BMPR2: variants seen among roughly 807,000 people sequenced by gnomAD.
BMPR2 encodes the protein bone morphogenetic protein receptor type-2.
In BMPR2, 29 loss-of-function variants were observed where a neutral mutation model predicts 100.8. The observed-to-expected ratio is 0.29, with a 90% CI of 0.21 to 0.39. The LOEUF (loss-of-function observed/expected upper bound fraction) is 0.39. BMPR2 is among the 10% of genes least tolerant of loss of function. BMPR2 has a pLI of 1.00. For missense variants in BMPR2, 1,011 were observed against 1,274.5 expected (o/e 0.79, Z 3.15); for synonymous variants, 382 against 442.3 (o/e 0.86, Z 1.71).
At chr2:202,451,130 T>TA (rs1288323327) in intron 1 of BMPR2, among the ~76,000 whole-genome samples, 1 of 152,186 alleles carries the variant, frequency 6.6e-6, no homozygotes, top group Non-Finnish European at 1.5e-5. Context: ...AAATGGGTGT[T>TA]ATGTGACTCT....
intron 10 of BMPR2, among the ~76,000 whole-genome samples, chr2:202,552,320 AG>A (rs1335611163): frequency 2.0e-5 from 3 of 152,162 alleles, no homozygotes; most frequent in African/African-American, 7.2e-5. Flanking sequence ...AAAGGAGAAA[AG>A]CTCACCTAGA....
chr2:202,404,572 T>C (rs530961613), intron 1 of BMPR2, among the ~76,000 whole-genome samples: 4 of 152,320 alleles, frequency 2.6e-5, no homozygotes, highest in East Asian at 3.8e-4. Context: ...ATTTTATGAA[T>C]TAATAGTTAA....
intron 3 of BMPR2, among the ~76,000 whole-genome samples, chr2:202,490,585 A>G (rs537643656): frequency 6.6e-6 from 1 of 152,136 alleles, no homozygotes; most frequent in Non-Finnish European, 1.5e-5. Flanking sequence ...TTTTTGTTTT[A>G]TTTTGTTTTA....
rs375174261 is a variant in BMPR2 at position 202,467,673 on chromosome 2, T to A, written c.402T>A (p.Pro134=). The A allele has an allele frequency of 6.2e-7, 1 of 1,612,210 alleles. No homozygotes were observed. The highest frequency in any genetic ancestry group is 8.5e-7 in the Non-Finnish European group (1 of 1,178,230). Residue 134 remains proline (P), a synonymous_variant, in exon 3 of 13, where the codon CCT becomes CCA. Coordinates refer to ENST00000374580, the MANE Select transcript of BMPR2 (RefSeq NM_001204.7). The part of the protein sequence containing the change: ...NVNFTENFPP[P]DTTPLSPPHS... ...ACTTTACTGAGAATTTTCCACCTCC[T>A]GACACAACACCACTCAGTAAGTAAA... is the stretch of plus-strand genomic sequence containing the variant.
intron 1 of BMPR2, among the ~76,000 whole-genome samples, chr2:202,446,800 A>G (rs1691858216): frequency 3.4e-5 from 5 of 149,034 alleles, no homozygotes; most frequent in Admixed American, 3.3e-4. Context: ...ACAGGCATGT[A>G]CCTACCACGC....
At chr2:202,390,719 G>A (rs1690530502) in intron 1 of BMPR2, among the ~76,000 whole-genome samples, 1 of 152,026 alleles carries the variant, frequency 6.6e-6, no homozygotes, top group Admixed American at 6.6e-5. Flanking sequence ...ATGATATCTT[G>A]TTGGTTTAGA....
chr2:202,446,865 T>C (rs1402613640), intron 1 of BMPR2, among the ~76,000 whole-genome samples: 5 of 146,948 alleles, frequency 3.4e-5, no homozygotes, highest in Non-Finnish European at 1.5e-5. Context: ...TTGGCCAGGC[T>C]GGTCTCAAAC....
intron 1 of BMPR2, among the ~76,000 whole-genome samples, chr2:202,387,755 A>G (rs1283159870): frequency 6.6e-6 from 1 of 152,154 alleles, no homozygotes; most frequent in Admixed American, 6.5e-5. Flanking sequence ...TGACATATTT[A>G]GTTGAGGTTA....
intron 10 of BMPR2, among the ~76,000 whole-genome samples, chr2:202,547,281 C>A (rs1688391728): frequency 6.6e-6 from 1 of 152,028 alleles, no homozygotes; most frequent in Non-Finnish European, 1.5e-5. Flanking sequence ...AATAATAGCT[C>A]ACTGTAGCCT....
At chr2:202,462,430 C>T (rs553771428) in intron 1 of BMPR2, among the ~76,000 whole-genome samples, 3 of 151,732 alleles carry the variant, frequency 2.0e-5, no homozygotes, top group Non-Finnish European at 4.4e-5. Context: ...CATGTTGGCC[C>T]GGCTGGTCTC....
intron 3 of BMPR2, among the ~76,000 whole-genome samples, chr2:202,499,031 G>A (rs1693103546): frequency 1.3e-5 from 2 of 150,750 alleles, no homozygotes; most frequent in African/African-American, 2.4e-5. Flanking sequence ...TGCCCAGAAG[G>A]AAATAAGCAA....
At chr2:202,438,249 G>A (rs1310531709) in intron 1 of BMPR2, among the ~76,000 whole-genome samples, 1 of 150,460 alleles carries the variant, frequency 6.6e-6, no homozygotes, top group African/African-American at 2.5e-5. Flanking sequence ...GGAGGTGGAG[G>A]TTGCGGTGAG....
At chr2:202,393,273 TG>T (rs1321480931) in intron 1 of BMPR2, among the ~76,000 whole-genome samples, 2 of 152,170 alleles carry the variant, frequency 1.3e-5, no homozygotes, top group South Asian at 2.1e-4. Context: ...AGACAGAGTT[TG>T]GGGAGTCTGG....
In BMPR2 at chr2:202,528,747, G is replaced by A. The variant is rs77122350; in HGVS notation, c.968-2047G>A. Among the ~76,000 whole-genome samples the A allele has an allele frequency of 6.7e-4, 102 of 152,306 alleles. 2 individuals are homozygous for A. The East Asian group carries it at 0.018, about 27-fold the overall frequency. The stretch of plus-strand genomic sequence containing the variant: ...TCTGAAAGTGATAAAAAGGAATGAA[G>A]TATGGTTTCTACTGATTGTTTACTG... On this transcript the variant is annotated intron_variant, in intron 7 of 12. Transcript: ENST00000374580.
chr2:202,457,561 T>TAGAGAG (rs72489501), intron 1 of BMPR2, among the ~76,000 whole-genome samples: 27 of 94,842 alleles, frequency 2.8e-4, no homozygotes, highest in Admixed American at 2.4e-3. Flanking sequence ...TATATATATA[T>TAGAGAG]AGAGAGAGAG....
At chr2:202,524,538 C>A (rs1559064717) in intron 7 of BMPR2, among the ~76,000 whole-genome samples, 1 of 152,096 alleles carries the variant, frequency 6.6e-6, no homozygotes, top group Non-Finnish European at 1.5e-5. Flanking sequence ...GAAATCCCAA[C>A]ACTTTGGGAG....
intron 1 of BMPR2, among the ~76,000 whole-genome samples, chr2:202,379,279 A>G (rs553844512): frequency 6.6e-6 from 1 of 152,328 alleles, no homozygotes; most frequent in South Asian, 2.1e-4. Flanking sequence ...TTTCGTCTTC[A>G]TGACAATTCT....
intron 1 of BMPR2, among the ~76,000 whole-genome samples, chr2:202,454,173 G>A (rs574743688): frequency 1.7e-4 from 26 of 152,094 alleles, no homozygotes; most frequent in Non-Finnish European, 3.5e-4. Context: ...GGGCTCAAGT[G>A]ATCCTCCCAC....
chr2:202,480,422 C>T (rs1692636428), intron 3 of BMPR2, among the ~76,000 whole-genome samples: 2 of 152,104 alleles, frequency 1.3e-5, no homozygotes, highest in Non-Finnish European at 2.9e-5. Flanking sequence ...AGCCACCACG[C>T]CCAACCTGAA....
Sources: gnomAD v4.1 joint callset for allele counts (sites outside exome capture counted in the v4.1 genomes callset) on GRCh38, gnomAD v4.1.1 for gene constraint, MANE v1.5 for transcripts, NCBI Gene and HGNC (gene_info 2026-07-23, HGNC 2026-07-21) for gene names.